KIAA1217: variants seen among roughly 807,000 people sequenced by gnomAD.
KIAA1217 encodes sickle tail protein homolog.
In KIAA1217, 88 loss-of-function variants were observed where a neutral mutation model predicts 163.9. The observed-to-expected ratio is 0.54, with a 90% CI of 0.45 to 0.64. KIAA1217 has a LOEUF of 0.64. KIAA1217 is among the 30% of genes least tolerant of loss of function. The pLI, the probability that KIAA1217 is intolerant of heterozygous loss-of-function variation, is 0.00. For missense variants in KIAA1217, 2,372 were observed against 2,475.0 expected, an observed-to-expected ratio of 0.96 and a Z score of 0.88; for synonymous variants, 903 against 923.1, an observed-to-expected ratio of 0.98 and a Z score of 0.39.
intron 2 of KIAA1217, chr10:24,158,272 A>G (rs2064968065): frequency 1.4e-6 from 1 of 717,316 alleles, no homozygotes; most frequent in Non-Finnish European, 2.7e-6. Context: ...ATGAAAGATG[A>G]CATTTTCTCC....
intron 1 of KIAA1217, among the ~76,000 whole-genome samples, chr10:23,962,978 G>T (rs1564569121): frequency 6.6e-6 from 1 of 152,094 alleles, no homozygotes; most frequent in African/African-American, 2.4e-5. Context: ...ATCTCTAAAA[G>T]AAAAAAGAAA....
At chr10:23,897,181 A>G (rs1347212519) in intron 1 of KIAA1217, among the ~76,000 whole-genome samples, 1 of 152,102 alleles carries the variant, frequency 6.6e-6, no homozygotes, top group East Asian at 1.9e-4. Context: ...CTGTCTATTC[A>G]CAGATTCCAC....
chr10:23,732,943 T>C (rs1435123398), intron 1 of KIAA1217, among the ~76,000 whole-genome samples: 3 of 152,190 alleles, frequency 2.0e-5, no homozygotes, highest in Non-Finnish European at 2.9e-5. Flanking sequence ...AGATACATGA[T>C]GATTTACTTA....
intron 2 of KIAA1217, among the ~76,000 whole-genome samples, chr10:24,082,305 AAATGTGCCATGG>A (rs1454472822): frequency 6.6e-6 from 1 of 152,090 alleles, no homozygotes; most frequent in Admixed American, 6.6e-5. Flanking sequence ...ACATAGATAA[AAATGTGCCATGG>A]TGGTTTGCTG....
chr10:24,180,961 C>T (rs1169007717), intron 2 of KIAA1217, among the ~76,000 whole-genome samples: 3 of 152,152 alleles, frequency 2.0e-5, no homozygotes, highest in Non-Finnish European at 4.4e-5. Context: ...GATTATGGAT[C>T]AGCTAAATTG....
At chr10:23,931,951 G>T (rs147949012) in intron 1 of KIAA1217, among the ~76,000 whole-genome samples, 22 of 152,102 alleles carry the variant, frequency 1.4e-4, no homozygotes, top group Non-Finnish European at 2.5e-4. Flanking sequence ...AAAAAATGGG[G>T]CCAGTTACCA....
intron 2 of KIAA1217, among the ~76,000 whole-genome samples, chr10:24,103,682 G>T (rs1336445179): frequency 6.6e-6 from 1 of 151,952 alleles, no homozygotes; most frequent in African/African-American, 2.4e-5. Flanking sequence ...AAATTAAAAT[G>T]ATGAGATACC....
intron 1 of KIAA1217, among the ~76,000 whole-genome samples, chr10:23,949,083 T>C (rs1251425506): frequency 6.6e-6 from 1 of 152,214 alleles, no homozygotes; most frequent in Non-Finnish European, 1.5e-5. Flanking sequence ...ACTGGCGGAA[T>C]CAGAGAAGAT....
chr10:23,826,179 C>T (rs1837887723), intron 1 of KIAA1217, among the ~76,000 whole-genome samples: 1 of 151,656 alleles, frequency 6.6e-6, no homozygotes, highest in African/African-American at 2.4e-5. Context: ...CAGTTACACC[C>T]TCCAGGTCTA....
At chr10:24,309,459 G>A (rs2042430277) in intron 2 of KIAA1217, among the ~76,000 whole-genome samples, 1 of 152,066 alleles carries the variant, frequency 6.6e-6, no homozygotes, top group Admixed American at 6.5e-5. Flanking sequence ...CAAAGTCTCT[G>A]TAAAGACCTG....
chr10:24,190,782 T>C (rs1026512869), intron 2 of KIAA1217, among the ~76,000 whole-genome samples: 1 of 152,222 alleles, frequency 6.6e-6, no homozygotes, highest in East Asian at 1.9e-4. Flanking sequence ...TTAGCTACCA[T>C]ATGGATAGAG....
At chr10:24,328,611 A>G (rs539785808) in intron 2 of KIAA1217, among the ~76,000 whole-genome samples, 1 of 152,296 alleles carries the variant, frequency 6.6e-6, no homozygotes, top group Admixed American at 6.5e-5. Flanking sequence ...TACTAGGAAT[A>G]AATGATCAAT....
At chr10:24,089,871 G>C (rs1023644654) in intron 2 of KIAA1217, among the ~76,000 whole-genome samples, 1 of 151,826 alleles carries the variant, frequency 6.6e-6, no homozygotes. Context: ...TACTGCCCAA[G>C]GTAATTTATA....
chr10:23,843,027 C>T (rs1297008965), intron 1 of KIAA1217, among the ~76,000 whole-genome samples: 1 of 152,162 alleles, frequency 6.6e-6, no homozygotes, highest in Non-Finnish European at 1.5e-5. Context: ...TTGAGGAAGA[C>T]TTCCAGTATG....
At chr10:24,086,969 A>C (rs148762344) in intron 2 of KIAA1217, among the ~76,000 whole-genome samples, 1 of 152,338 alleles carries the variant, frequency 6.6e-6, no homozygotes, top group East Asian at 1.9e-4. Context: ...ACAGTCCTGC[A>C]GATGACATGG....
At chr10:24,063,815 A>C (rs183368398) in intron 2 of KIAA1217, among the ~76,000 whole-genome samples, 154 of 152,094 alleles carry the variant, frequency 1.0e-3, no homozygotes, top group African/African-American at 3.4e-3. Context: ...CTTTTATTTC[A>C]TTGAGCAGTG....
intron 16 of KIAA1217, among the ~76,000 whole-genome samples, chr10:24,534,650 C>A (rs7080123): frequency 0.014 from 2,120 of 151,856 alleles, 49 homozygotes; most frequent in African/African-American, 0.049. Flanking sequence ...GAGGCTGAGG[C>A]GGGCAGATCA....
chr10:24,145,588 A>G (rs972268180), intron 2 of KIAA1217, among the ~76,000 whole-genome samples: 3 of 152,142 alleles, frequency 2.0e-5, no homozygotes, highest in Non-Finnish European at 2.9e-5. Flanking sequence ...CGGAGTATTG[A>G]CTCACGTGAT....
At chr10:24,205,299 A>C (rs2067485132), upstream of KIAA1217, among the ~76,000 whole-genome samples, 1 of 130,732 alleles carries the variant, frequency 7.6e-6, no homozygotes, top group Non-Finnish European at 1.6e-5. Context: ...TCTACTAAAA[A>C]TACAAAAAAA....
Sources: allele counts gnomAD v4.1 joint callset (sites outside exome capture counted in the v4.1 genomes callset), GRCh38; gene constraint gnomAD v4.1.1; transcripts MANE v1.5; gene names NCBI Gene and HGNC (gene_info 2026-07-23, HGNC 2026-07-21).